Variants in APC2 observed in about 807,000 individuals in gnomAD.
APC2 encodes the protein APC regulator of Wnt signaling pathway 2, also known as adenomatous polyposis coli protein 2.
In APC2, 41 loss-of-function variants were observed where a neutral mutation model predicts 72.5. The ratio of observed to expected loss-of-function variants is 0.57; its 90% confidence interval spans 0.44 to 0.73. The LOEUF (loss-of-function observed/expected upper bound fraction) is 0.73, where lower values mean the gene tolerates loss of function less well. Among genes scored for constraint, APC2 ranks in the 30% least tolerant of loss-of-function variants. The probability of loss-of-function intolerance (pLI) is 0.00; values close to 1 mark genes in which losing one functional copy is unlikely to be tolerated. For synonymous variants in APC2, 1,898 were observed against 1,612.0 expected, an observed-to-expected ratio of 1.18 and a Z score of -4.25; for missense variants, 3,729 against 3,403.4, an observed-to-expected ratio of 1.10 and a Z score of -2.38.
At position 1,467,916 on chromosome 19, in the gene APC2, C is replaced by T. The variant is rs750480681; in HGVS notation, c.4615C>T (p.Arg1539Trp). The T allele has an allele frequency of 8.8e-6, 14 of 1,584,102 alleles. No individual in the cohort carries two copies. Among genetic ancestry groups the T allele is most frequent in the Non-Finnish European group, 1.2e-5 (14 of 1,173,578 alleles). ...ATCGGCCATCCCTCGCGCTTTTACG[C>T]GGGAGCGTCCGCAGGGCCGGAAGGA... ...RTSAIPRAFT[R>W]ERPQGRKEAP... The change falls in exon 15 of 15, where the codon CGG becomes TGG. Residue 1539 changes from arginine (R) to tryptophan (W), a missense_variant. Coordinates refer to ENST00000590469, the MANE Select transcript of APC2 (RefSeq NM_005883.3).
rs1169221904 is a variant in APC2, at chr19:1,450,209, C to T, written c.-148C>T. On this transcript the variant is annotated 5_prime_UTR_variant, in exon 1 of 15. Coordinates refer to ENST00000590469, the MANE Select transcript of APC2 (RefSeq NM_005883.3). ...TCCGCCCCGGAGCCCCTGCCCGCGC[C>T]GCGGAGACCCCGGAGCCCGCGCGCT... 14 of 985,196 alleles carry T rather than the reference C, an allele frequency of 1.4e-5. No homozygotes were observed. Among genetic ancestry groups the T allele is most frequent in the Non-Finnish European group, 1.7e-5 (14 of 829,866 alleles). The allele number at this position is 985,196 out of a possible 1,614,324, so 61.0% of individuals were successfully genotyped here. A position where few individuals can be genotyped will look rare whatever the true frequency, so the allele number is the denominator to read the frequency against.
chr19:1,467,224 C>T lies in APC2; in HGVS notation c.3923C>T (p.Ala1308Val). ...PSACPERGGG[A>V]GGAGLHFAGH... is the part of the protein sequence containing the mutation. Reference sequence around the variant, plus strand: ...GCCTGCCCCGAGCGCGGCGGGGGCGCCGGGGGCGCCGGCCTCCACTTTGCA... The same window carrying T: ...GCCTGCCCCGAGCGCGGCGGGGGCGTCGGGGGCGCCGGCCTCCACTTTGCA... Residue 1308 changes from alanine (A) to valine (V), a missense_variant, in exon 15 of 15, where the codon GCC (alanine) becomes GTC (valine). Transcript: ENST00000590469. 7.3e-7 allele frequency: 1 copy of T among 1,368,264 alleles called. No individual in the cohort carries two copies. The allele number at this position is 1,368,264 out of a possible 1,614,324, so 84.8% of individuals were successfully genotyped here.
chr19:1,449,450 G>T (rs1483848110), upstream of APC2, among the ~76,000 whole-genome samples: 1 of 152,146 alleles, frequency 6.6e-6, no homozygotes, highest in Non-Finnish European at 1.5e-5. Context: ...AATTAAGTGT[G>T]CCACCCACCA....
chr19:1,463,097 G>A (rs1347834725), intron 14 of APC2, among the ~76,000 whole-genome samples: 2 of 151,800 alleles, frequency 1.3e-5, no homozygotes, highest in East Asian at 1.9e-4. Context: ...CCAACATGGA[G>A]AAACCCTGTC....
At position 1,469,564 on chromosome 19, in the gene APC2, C is replaced by T; in HGVS notation, c.6263C>T (p.Ala2088Val). ...AGCCCGTCCCGCCTGCCTGTGCGCG[C>T]GCCCGCCGCCCGGCCGGAGACTGTC... ...SESPSRLPVR[A>V]PAARPETVKR... Residue 2088 changes from alanine (A) to valine (V), a missense_variant, in exon 15 of 15, where the codon GCG becomes GTG. Physicochemically the swap from Ala to Val is moderately conservative, Grantham distance 64 (BLOSUM62 0). Coordinates refer to ENST00000590469, the MANE Select transcript of APC2 (RefSeq NM_005883.3). 8.1e-7 allele frequency: 1 copy of T among 1,236,480 alleles called. No individual in the cohort carries two copies. The highest frequency in any genetic ancestry group is 1.0e-6 in the Non-Finnish European group (1 of 975,112). The allele number at this position is 1,236,480 out of a possible 1,614,324, so 76.6% of individuals were successfully genotyped here.
At position 1,467,464 on chromosome 19, in the gene APC2, C is replaced by T. The variant is rs1246391018; in HGVS notation, c.4163C>T (p.Ser1388Phe). The change falls in exon 15 of 15, where the codon TCC becomes TTC. Residue 1388 changes from serine to phenylalanine, a missense_variant. By Grantham distance (155) the Ser-to-Phe change is radical. Transcript: ENST00000590469. ...PAPAPAQEDD[S>F]CTDSAEGTPV... Reference sequence around the variant, plus strand: ...CCGGCCCCGGCCCAGGAGGACGACTCCTGCACTGACTCCGCGGAGGGCACG... The same window carrying T: ...CCGGCCCCGGCCCAGGAGGACGACTTCTGCACTGACTCCGCGGAGGGCACG... 6 of 1,468,020 alleles carry T rather than the reference C, an allele frequency of 4.1e-6. No homozygotes were observed. The highest frequency in any genetic ancestry group is 5.4e-6 in the Non-Finnish European group (6 of 1,112,780). The allele number at this position is 1,468,020 out of a possible 1,614,324, so 90.9% of individuals were successfully genotyped here. A position where few individuals can be genotyped will look rare whatever the true frequency, so the allele number is the denominator to read the frequency against.
chr19:1,458,907 C>T (rs2083880896), intron 10 of APC2, among the ~76,000 whole-genome samples: 1 of 152,126 alleles, frequency 6.6e-6, no homozygotes, highest in Admixed American at 6.5e-5. Context: ...TGGTCTCAAA[C>T]TCCTGGCCTC....
rs1028582105 is a variant in APC2 at position 1,467,592 on chromosome 19, C to T, written c.4291C>T (p.Arg1431Cys). 3 of 1,512,222 alleles carry T rather than the reference C, an allele frequency of 2.0e-6. No homozygotes were observed. The highest frequency in any genetic ancestry group is 2.6e-5 in the East Asian group (1 of 38,410). The allele number at this position is 1,512,222 out of a possible 1,614,324, so 93.7% of individuals were successfully genotyped here. Residue 1431 changes from arginine (R) to cysteine (C), a missense_variant, in exon 15 of 15, where the codon CGC becomes TGC. Coordinates refer to ENST00000590469, the MANE Select transcript of APC2 (RefSeq NM_005883.3). ...AGCGGGCAGGCAAAGACCCACCGGC[C>T]GCCCCACCTCTGCCAGACAGGCCAT... ...GPAGRQRPTG[R>C]PTSARQAMGH...
chr19:1,460,452 T>C, intron 11 of APC2, 132 bp downstream of exon 11: 1 of 1,391,966 alleles, frequency 7.2e-7, no homozygotes, highest in Non-Finnish European at 9.9e-7. Flanking sequence ...TACAGACGGG[T>C]AGACTGAGGC....
chr19:1,453,450 C>T lies in APC2; in HGVS notation c.252C>T (p.Thr84=). 6.2e-7 allele frequency: 1 copy of T among 1,602,368 alleles called. No homozygotes were observed. The highest frequency in any genetic ancestry group is 8.5e-7 in the Non-Finnish European group (1 of 1,172,610). Residue 84 remains threonine (T), a synonymous_variant, in exon 4 of 15, where the codon ACC becomes ACT. Coordinates refer to ENST00000590469, the MANE Select transcript of APC2 (RefSeq NM_005883.3). ...EQLKALQMDI[T]SLYNLKFQPP... ...ATCCAGCCCTACAGATGGACATCACCAGCCTGTACAACCTCAAGTTCCAGC... is the reference window on the plus strand; with the variant it reads ...ATCCAGCCCTACAGATGGACATCACTAGCCTGTACAACCTCAAGTTCCAGC...
Position 1,450,235 on chromosome 19 carries a change from C to G in APC2, c.-122C>G. ...GCGGAGACCCCGGAGCCCGCGCGCT[C>G]CGAGGCCACCCCGGGCCGGGATTTC... On this transcript the variant is annotated 5_prime_UTR_variant, in exon 1 of 15. Coordinates refer to ENST00000590469, the MANE Select transcript of APC2 (RefSeq NM_005883.3). 1 of 985,378 alleles carries G rather than the reference C, an allele frequency of 1.0e-6. No homozygotes were observed. Among genetic ancestry groups the G allele is most frequent in the Non-Finnish European group, 1.2e-6 (1 of 829,928 alleles). The allele number at this position is 985,378 out of a possible 1,614,324, so 61.0% of individuals were successfully genotyped here.
intron 14 of APC2, among the ~76,000 whole-genome samples, chr19:1,462,887 C>T (rs1171048167): frequency 6.7e-6 from 1 of 148,952 alleles, no homozygotes; most frequent in Non-Finnish European, 1.5e-5. Flanking sequence ...AGGAGAATGG[C>T]ATGAACCCGG....
Position 1,452,994 on chromosome 19 carries a change from A to G in APC2, c.-8A>G. The G allele has an allele frequency of 6.2e-7, 1 of 1,610,974 alleles. No homozygotes were observed. Among genetic ancestry groups the G allele is most frequent in the Non-Finnish European group, 8.5e-7 (1 of 1,179,902 alleles). ...ACCCTGTGATCCCAGACGCTGCAGG[A>G]GCTGAAGATGGCGAGCTCCGTGGCG... On this transcript the variant is annotated 5_prime_UTR_variant, in exon 2 of 15. Transcript: ENST00000590469. This position sits in a 1 kb window ranked among gnomAD's most constrained non-coding sequence, Gnocchi z 5.1.
upstream of APC2, among the ~76,000 whole-genome samples, chr19:1,446,687 G>A (rs1290175538): frequency 1.3e-5 from 2 of 152,170 alleles, no homozygotes; most frequent in African/African-American, 4.8e-5. This position sits in a 1 kb window ranked among gnomAD's most constrained non-coding sequence, Gnocchi z 6.1. Flanking sequence ...GGCGGCGGGG[G>A]CGGCTGCGGG....
chr19:1,453,204 T>C (rs1333424121), intron 2 of APC2, 43 bp from the exon 3 acceptor site: 1 of 1,562,642 alleles, frequency 6.4e-7, no homozygotes, highest in East Asian at 2.4e-5. Context: ...GGCAGCCCAG[T>C]GCAGTGGCTG....
Position 1,469,343 on chromosome 19 carries a change from C to A in APC2, c.6042C>A (p.Ala2014=). 1 of 1,362,708 alleles carries A rather than the reference C, an allele frequency of 7.3e-7. No homozygotes were observed. The highest frequency in any genetic ancestry group is 9.5e-7 in the Non-Finnish European group (1 of 1,051,074). The allele number at this position is 1,362,708 out of a possible 1,614,324, so 84.4% of individuals were successfully genotyped here. A position where few individuals can be genotyped will look rare whatever the true frequency, so the allele number is the denominator to read the frequency against. ...GCCGCCGCTCCGAGCTGTCCTCGGCCGAGTCCGCGGCCTCTGCCCCCCAGG... is the reference window on the plus strand; with the variant it reads ...GCCGCCGCTCCGAGCTGTCCTCGGCAGAGTCCGCGGCCTCTGCCCCCCAGG... ...LRRRRSELSS[A]ESAASAPQGA... Residue 2014 remains alanine, a synonymous_variant, in exon 15 of 15, where the codon GCC becomes GCA. Coordinates refer to ENST00000590469, the MANE Select transcript of APC2 (RefSeq NM_005883.3).
Position 1,468,259 on chromosome 19 carries a change from G to A in APC2, c.4958G>A (p.Arg1653Gln), listed in dbSNP as rs555371409. The change falls in exon 15 of 15, where the codon CGA becomes CAA. Residue 1653 changes from arginine (R) to glutamine (Q), a missense_variant. Physicochemically the swap from Arg to Gln is conservative, Grantham distance 43. Coordinates refer to ENST00000590469, the MANE Select transcript of APC2 (RefSeq NM_005883.3). The part of the protein sequence containing the change: ...PVSGLRRRKP[R>Q]ATRLDERPAE... ...TCTGGCCTGCGGCGCCGCAAGCCCC[G>A]AGCCACCCGGCTGGATGAGCGGCCC... 2.2e-4 allele frequency: 330 copies of A among 1,524,078 alleles called. 1 individual carries two copies. In the African/African-American group the frequency reaches 4.1e-3, roughly 19 times the overall value. The allele number at this position is 1,524,078 out of a possible 1,614,324, so 94.4% of individuals were successfully genotyped here.
At chr19:1,446,615 G>A (rs1003899235), upstream of APC2, among the ~76,000 whole-genome samples, 7 of 152,222 alleles carry the variant, frequency 4.6e-5, no homozygotes, top group African/African-American at 1.4e-4. The surrounding 1 kb of genome is among the most constrained non-coding windows in gnomAD (Gnocchi z 6.1). Flanking sequence ...CCAGCCCTCG[G>A]CCTCTGCAGG....
intron 4 of APC2, 40 bp from the exon 5 acceptor site, chr19:1,455,109 C>T (rs759712335): frequency 8.9e-6 from 12 of 1,344,202 alleles, no homozygotes; most frequent in Non-Finnish European, 1.0e-5. Flanking sequence ...ACACACACGG[C>T]GCCGCCCTCT....
Sources: allele counts gnomAD v4.1 joint callset (sites outside exome capture counted in the v4.1 genomes callset), GRCh38; gene constraint gnomAD v4.1.1; non-coding constraint Gnocchi (gnomAD v3.1); transcripts MANE v1.5; gene names NCBI Gene and HGNC (gene_info 2026-07-23, HGNC 2026-07-21).